Variants in MKX observed in about 807,000 individuals in gnomAD.
MKX encodes the protein homeobox protein Mohawk.
In MKX, 13 loss-of-function variants were observed where a neutral mutation model predicts 36.0. The observed-to-expected ratio is 0.36, with a 90% confidence interval of 0.24 to 0.57. The LOEUF is 0.57. MKX is among the 20% of genes least tolerant of loss of function. MKX has a pLI of 0.79. For synonymous variants in MKX, 176 were observed against 178.3 expected, an observed-to-expected ratio of 0.99 and a Z score of 0.10; for missense variants, 458 against 456.4, an observed-to-expected ratio of 1.00 and a Z score of -0.03.
chr10:27,711,617 G>C (rs1379479496), intron 5 of MKX, among the ~76,000 whole-genome samples: 2 of 148,454 alleles, frequency 1.3e-5, no homozygotes, highest in African/African-American at 5.0e-5. Flanking sequence ...TATTGTCCAG[G>C]CTGGAGCGCA....
chr10:27,687,226 G>C (rs761812152), intron 5 of MKX, among the ~76,000 whole-genome samples: 16 of 151,852 alleles, frequency 1.1e-4, no homozygotes, highest in Non-Finnish European at 2.9e-5. Context: ...GGCTGGTCTC[G>C]AACACATGAC....
intron 5 of MKX, among the ~76,000 whole-genome samples, chr10:27,677,584 C>A (rs11015940): frequency 0.14 from 21,607 of 152,166 alleles, 3,121 homozygotes; most frequent in African/African-American, 0.36. Context: ...GCCTGCTGAC[C>A]TATCCTGAGT....
chr10:27,716,792 G>T (rs1836973574), intron 5 of MKX, among the ~76,000 whole-genome samples: 1 of 152,028 alleles, frequency 6.6e-6, no homozygotes, highest in Non-Finnish European at 1.5e-5. Flanking sequence ...TCTATGCTGG[G>T]GTAGGAAGAA....
intron 5 of MKX, 151 bp downstream of exon 5, chr10:27,734,305 T>C: frequency 1.5e-6 from 1 of 670,184 alleles, no homozygotes; most frequent in Non-Finnish European, 2.3e-6. Flanking sequence ...CATTGGCAAT[T>C]CTAAACAAAA....
At chr10:27,734,405 T>C (rs745892674) in intron 5 of MKX, 51 bp downstream of exon 5, 2 of 1,479,162 alleles carry the variant, frequency 1.4e-6, no homozygotes, top group African/African-American at 2.8e-5. Context: ...GCAGTTTTAA[T>C]TGTGCTTTAA....
At chr10:27,739,884 G>T (rs543737668) in intron 3 of MKX, among the ~76,000 whole-genome samples, 2 of 152,106 alleles carry the variant, frequency 1.3e-5, no homozygotes, top group Non-Finnish European at 1.5e-5. Flanking sequence ...TTTAACATAG[G>T]TTATTTATTT....
intron 5 of MKX, among the ~76,000 whole-genome samples, chr10:27,681,169 G>A (rs1048040606): frequency 5.9e-5 from 9 of 152,222 alleles, no homozygotes; most frequent in Admixed American, 6.5e-5. Flanking sequence ...TACTGAGGCT[G>A]GGGGTGGTGG....
In MKX at chr10:27,675,163, T is replaced by C; in HGVS notation, c.*66A>G. On this transcript the variant is annotated 3_prime_UTR_variant, in exon 7 of 7. Transcript: ENST00000419761. ...GAGTCATTTTCATCCCTGCTTCGGCTCTTAGGATGAGGGTTGATGAAAACA... is the reference window on the plus strand; with the variant it reads ...GAGTCATTTTCATCCCTGCTTCGGCCCTTAGGATGAGGGTTGATGAAAACA... The C allele has an allele frequency of 6.7e-7, 1 of 1,485,024 alleles. No homozygotes were observed. The highest frequency in any genetic ancestry group is 9.2e-7 in the Non-Finnish European group (1 of 1,092,374). 92.0% of individuals were successfully genotyped at this position (1,485,024 alleles called of 1,614,324 possible). A position where few individuals can be genotyped will look rare whatever the true frequency, so the allele number is the denominator to read the frequency against.
At chr10:27,694,887 CTTTT>C (rs200916547) in intron 5 of MKX, among the ~76,000 whole-genome samples, 1 of 137,632 alleles carries the variant, frequency 7.3e-6, no homozygotes. Flanking sequence ...AACAAATTGC[CTTTT>C]TTTTTTTTTT....
In MKX at chr10:27,675,086, G is replaced by T; in HGVS notation, c.*143C>A. 1.6e-6 allele frequency: 1 copy of T among 637,806 alleles called. No individual in the cohort carries two copies. Among genetic ancestry groups the T allele is most frequent in the Non-Finnish European group, 2.5e-6 (1 of 399,372 alleles). 39.5% of individuals were successfully genotyped at this position (637,806 alleles called of 1,614,324 possible). A position where few individuals can be genotyped will look rare whatever the true frequency, so the allele number is the denominator to read the frequency against. On this transcript the variant is annotated 3_prime_UTR_variant, in exon 7 of 7. Transcript: ENST00000419761. ...TATAATTTATATGTCTTTTATAGAAGCAACTAAATGATATATTTGGGATAA... is the reference window on the plus strand; with the variant it reads ...TATAATTTATATGTCTTTTATAGAATCAACTAAATGATATATTTGGGATAA...
At chr10:27,738,852 C>T (rs1336901471) in intron 3 of MKX, among the ~76,000 whole-genome samples, 3 of 152,046 alleles carry the variant, frequency 2.0e-5, no homozygotes, top group Non-Finnish European at 2.9e-5. Context: ...ATATTGAGCA[C>T]TTCATTTCCA....
At chr10:27,696,510 GT>G (rs1798745935) in intron 5 of MKX, among the ~76,000 whole-genome samples, 1 of 152,128 alleles carries the variant, frequency 6.6e-6, no homozygotes. Context: ...GGGCAGTTAT[GT>G]TATGTCTATG....
chr10:27,702,813 A>C (rs577751524), intron 5 of MKX, among the ~76,000 whole-genome samples: 34 of 152,332 alleles, frequency 2.2e-4, no homozygotes, highest in African/African-American at 7.7e-4. Context: ...AGATTTTCAC[A>C]ACAAAAAATC....
intron 5 of MKX, among the ~76,000 whole-genome samples, chr10:27,679,167 T>C (rs1307310388): frequency 6.6e-6 from 1 of 152,160 alleles, no homozygotes; most frequent in African/African-American, 2.4e-5. Context: ...AAATACCTAA[T>C]GTAAATGACA....
rs1055014216 is a variant in MKX at position 27,741,718 on chromosome 10, AGG to A, written c.189-216_189-215del. On this transcript the variant is annotated intron_variant, in intron 2 of 6. Transcript: ENST00000419761. This position sits in a 1 kb window ranked among gnomAD's most constrained non-coding sequence, Gnocchi z 5.1. ...TCATTTCGATAGGTTTATCTTGAAT[AGG>A]GGGATACCTTGAACCCAATACCCCA... Among the ~76,000 whole-genome samples, 3 of 152,236 alleles carry A rather than the reference AGG, an allele frequency of 2.0e-5. No individual in the cohort carries two copies. The highest frequency in any genetic ancestry group is 4.4e-5 in the Non-Finnish European group (3 of 68,044).
At chr10:27,693,569 AG>A (rs1461108573) in intron 5 of MKX, among the ~76,000 whole-genome samples, 2 of 152,234 alleles carry the variant, frequency 1.3e-5, no homozygotes, top group African/African-American at 4.8e-5. Context: ...TAAGTACAAA[AG>A]AATGGCATGT....
chr10:27,729,978 G>A (rs976921983), intron 5 of MKX, among the ~76,000 whole-genome samples: 1 of 151,642 alleles, frequency 6.6e-6, no homozygotes, highest in African/African-American at 2.4e-5. Context: ...GACCACCTGG[G>A]GGCTAGAGGC....
intron 5 of MKX, chr10:27,718,566 G>A (rs1378087837): frequency 4.5e-6 from 2 of 444,672 alleles, no homozygotes; most frequent in Non-Finnish European, 9.0e-6. Flanking sequence ...AAAATCCCAG[G>A]AGTCCTCACT....
intron 5 of MKX, among the ~76,000 whole-genome samples, chr10:27,702,226 C>T (rs1296754938): frequency 5.9e-5 from 9 of 152,148 alleles, no homozygotes; most frequent in Admixed American, 5.2e-4. Context: ...AAGGCTGCTG[C>T]TGGAAAAACA....
Sources: allele counts gnomAD v4.1 joint callset (sites outside exome capture counted in the v4.1 genomes callset), GRCh38; gene constraint gnomAD v4.1.1; non-coding constraint Gnocchi (gnomAD v3.1); transcripts MANE v1.5; gene names NCBI Gene and HGNC (gene_info 2026-07-23, HGNC 2026-07-21).